TSPAN4: variants seen among roughly 807,000 people sequenced by gnomAD.
The protein encoded by TSPAN4 is tetraspanin 4, also known as tetraspanin-4.
In TSPAN4, 38 loss-of-function variants were observed where a neutral mutation model predicts 31.5. That is an observed-to-expected ratio of 1.21 (90% CI 0.93 to 1.58). The LOEUF is 1.58. Ranked by LOEUF, TSPAN4 falls within the 40% of genes most tolerant of loss-of-function variation. The pLI, the probability that TSPAN4 is intolerant of heterozygous loss-of-function variation, is 0.00. For missense variants in TSPAN4, 330 were observed against 317.3 expected, an observed-to-expected ratio of 1.04 and a Z score of -0.30; for synonymous variants, 186 against 144.6, an observed-to-expected ratio of 1.29 and a Z score of -2.06.
rs1847433419 is a variant in TSPAN4 at position 848,328 on chromosome 11, GA to G, written c.-18+1030del. Among the ~76,000 whole-genome samples the G allele has an allele frequency of 6.6e-6, 1 of 152,192 alleles. No individual in the cohort carries two copies. The highest frequency in any genetic ancestry group is 2.4e-5 in the African/African-American group (1 of 41,456). On this transcript the variant is annotated intron_variant, in intron 2 of 8. Transcript: ENST00000397397. The surrounding 1 kb of genome is among the most constrained non-coding windows in gnomAD (Gnocchi z 5.7). ...GGGAAGGACAGGGTAGGGGCCATGGGAAGCCCCAGGATGGCCTTGTGGGCCT... is the reference window on the plus strand; with the variant it reads ...GGGAAGGACAGGGTAGGGGCCATGGGAGCCCCAGGATGGCCTTGTGGGCCT...
chr11:865,287 A>T, intron 5 of TSPAN4: 2 of 571,604 alleles, frequency 3.5e-6, no homozygotes, highest in Non-Finnish European at 3.1e-6. Flanking sequence ...CCCAGGACCC[A>T]TGGTCCTCCC....
intron 1 of TSPAN4, among the ~76,000 whole-genome samples, chr11:846,454 C>T (rs1185546895): frequency 6.6e-6 from 1 of 152,198 alleles, no homozygotes; most frequent in Non-Finnish European, 1.5e-5. Flanking sequence ...TGCCCTTGGG[C>T]TACTGGAAGG....
chr11:863,056 T>C (rs988836774), intron 4 of TSPAN4: 11 of 248,676 alleles, frequency 4.4e-5, no homozygotes, highest in Non-Finnish European at 8.4e-5. Flanking sequence ...TACACACGCA[T>C]GCGCAGCCTT....
chr11:849,204 G>C (rs990161400), intron 2 of TSPAN4, among the ~76,000 whole-genome samples: 1 of 151,898 alleles, frequency 6.6e-6, no homozygotes, highest in African/African-American at 2.4e-5. Flanking sequence ...AGCCTCCTGC[G>C]GGGCTGCCTG....
chr11:862,373 C>G (rs1240136568), intron 3 of TSPAN4, 177 bp from the exon 4 acceptor site: 1 of 580,402 alleles, frequency 1.7e-6, no homozygotes, highest in African/African-American at 1.9e-5. Flanking sequence ...TCGGGAAAGA[C>G]TGGCCTGCCC....
At position 865,766 on chromosome 11, in the gene TSPAN4, T is replaced by C; in HGVS notation, c.505T>C (p.Cys169Arg). The C allele has an allele frequency of 6.2e-7, 1 of 1,613,008 alleles. No homozygotes were observed. Among genetic ancestry groups the C allele is most frequent in the South Asian group, 1.1e-5 (1 of 91,002 alleles). ...CAACGCCACGCGGGTACCTGACTCC[T>C]GCTGCTTGGAGTTCAGTGAGAGCTG... ...VYNATRVPDS[C>R]CLEFSESCGL... The change falls in exon 7 of 9, where the codon TGC becomes CGC. Residue 169 changes from cysteine (C) to arginine (R), a missense_variant. Coordinates refer to ENST00000397397, the MANE Select transcript of TSPAN4 (RefSeq NM_003271.5).
intron 3 of TSPAN4, among the ~76,000 whole-genome samples, chr11:861,508 C>T (rs989518073): frequency 6.6e-6 from 1 of 152,074 alleles, no homozygotes; most frequent in African/African-American, 2.4e-5. Context: ...GTTGGGAGAT[C>T]AAGACCATCC....
In TSPAN4 at chr11:865,521, G is replaced by A. The variant is rs1159834625; in HGVS notation, c.339G>A (p.Arg113=). 4 of 1,611,192 alleles carry A rather than the reference G, an allele frequency of 2.5e-6. No individual in the cohort carries two copies. The African/African-American group carries it at 5.3e-5, about 22-fold the overall frequency. The part of the protein sequence containing the change: ...LFFAYTDKID[R]YAQQDLKKGL... ...CCCCCCCGCACCCCCAGATTGACAG[G>A]TATGCCCAGCAAGACCTGAAGAAAG... Residue 113 remains arginine (R), a synonymous_variant, in exon 6 of 9, where the codon AGG becomes AGA. Transcript: ENST00000397397.
intron 3 of TSPAN4, among the ~76,000 whole-genome samples, chr11:862,041 T>G (rs2134054604): frequency 6.6e-6 from 1 of 152,280 alleles, no homozygotes; most frequent in East Asian, 1.9e-4. Context: ...TGTCGGGAGC[T>G]GGGAATCGGA....
At position 852,271 on chromosome 11, in the gene TSPAN4, G is replaced by T. The variant is rs867835486; in HGVS notation, c.63+1904G>T. Reference sequence around the variant, plus strand: ...CCCGAATTGCTGGGATTACAGGCGCGCATCACCACGCCTGTCTAATTTTTG... The same window carrying T: ...CCCGAATTGCTGGGATTACAGGCGCTCATCACCACGCCTGTCTAATTTTTG... On this transcript the variant is annotated intron_variant, in intron 3 of 8. Coordinates refer to ENST00000397397, the MANE Select transcript of TSPAN4 (RefSeq NM_003271.5). 3.3e-5 allele frequency among the ~76,000 whole-genome samples: 5 copies of T among 152,072 alleles called. No individual in the cohort carries two copies. The South Asian group carries it at 1.0e-3, about 32-fold the overall frequency.
chr11:850,697 C>T (rs1318161106), intron 3 of TSPAN4, among the ~76,000 whole-genome samples: 2 of 152,230 alleles, frequency 1.3e-5, no homozygotes, highest in Non-Finnish European at 2.9e-5. Flanking sequence ...GGCACTGCGC[C>T]TCTCCTAGGG....
intron 1 of TSPAN4, chr11:844,685 G>T (rs1195032088): frequency 2.8e-5 from 4 of 143,406 alleles, no homozygotes; most frequent in Non-Finnish European, 6.1e-5. Context: ...TGGAGTGTTG[G>T]CGCAGACTCG....
Position 865,502 on chromosome 11 carries a change from C to G in TSPAN4, c.331-11C>G, listed in dbSNP as rs547712201. ...TGGGAGGGGCCCTGCTGACCCCCCC[C>G]GCACCCCCAGATTGACAGGTATGCC... On this transcript the variant is annotated splice_polypyrimidine_tract_variant and intron_variant, in intron 5 of 8. Coordinates refer to ENST00000397397, the MANE Select transcript of TSPAN4 (RefSeq NM_003271.5). 8 of 1,607,982 alleles carry G rather than the reference C, an allele frequency of 5.0e-6. No homozygotes were observed. The highest frequency in any genetic ancestry group is 6.8e-6 in the Non-Finnish European group (8 of 1,177,930).
intron 4 of TSPAN4, chr11:863,161 T>A (rs943670202): frequency 6.2e-6 from 1 of 162,268 alleles, no homozygotes; most frequent in Non-Finnish European, 1.3e-5. Flanking sequence ...GTCTCTCAGC[T>A]CCCTGGGACC....
chr11:852,811 G>A (rs190385259), intron 3 of TSPAN4, among the ~76,000 whole-genome samples: 3 of 152,046 alleles, frequency 2.0e-5, no homozygotes, highest in Admixed American at 6.5e-5. Context: ...CTCCTCCTCC[G>A]TCTTCTCAGG....
chr11:865,439 G>C (rs1848713323), intron 5 of TSPAN4, 74 bp from the exon 6 acceptor site: 1 of 1,249,060 alleles, frequency 8.0e-7, no homozygotes, highest in East Asian at 2.4e-5. Flanking sequence ...CAGCTTAGGG[G>C]CCGGCGAGGG....
At chr11:857,801 G>C (rs1318308089) in intron 3 of TSPAN4, 1 of 152,298 alleles carries the variant, frequency 6.6e-6, no homozygotes, top group African/African-American at 2.4e-5. Context: ...TCTGGAATGA[G>C]ACTTGTGGGG....
chr11:864,766 G>A (rs557358173), intron 5 of TSPAN4: 14 of 571,480 alleles, frequency 2.4e-5, no homozygotes, highest in African/African-American at 3.8e-5. Context: ...GTTGTCCCCC[G>A]CCCTCTGACG....
At chr11:855,442 C>T (rs896948426) in intron 3 of TSPAN4, among the ~76,000 whole-genome samples, 1 of 152,234 alleles carries the variant, frequency 6.6e-6, no homozygotes, top group South Asian at 2.1e-4. Flanking sequence ...CTCCTGGATT[C>T]CTGTGCCTCC....
Sources: allele counts gnomAD v4.1 joint callset (sites outside exome capture counted in the v4.1 genomes callset), GRCh38; gene constraint gnomAD v4.1.1; non-coding constraint Gnocchi (gnomAD v3.1); transcripts MANE v1.5; gene names NCBI Gene and HGNC (gene_info 2026-07-23, HGNC 2026-07-21).